NAV3: variants seen among roughly 807,000 people sequenced by gnomAD.
The protein encoded by NAV3 is pore membrane and/or filament interacting like protein 1.
NAV3 carries 87 observed loss-of-function variants against 244.7 expected under a neutral mutation model. The observed-to-expected ratio is 0.36, with a 90% CI of 0.30 to 0.42. The LOEUF is 0.42. NAV3 is among the 20% of genes least tolerant of loss of function. The probability of loss-of-function intolerance (pLI) is 1.00; values close to 1 mark genes in which losing one functional copy is unlikely to be tolerated. For missense variants in NAV3, 2,663 were observed against 2,893.3 expected, an observed-to-expected ratio of 0.92 and a Z score of 1.83; for synonymous variants, 1,126 against 1,042.2, an observed-to-expected ratio of 1.08 and a Z score of -1.55.
At chr12:77,827,093 C>T (rs543060798), upstream of NAV3, among the ~76,000 whole-genome samples, 60 of 151,924 alleles carry the variant, frequency 3.9e-4, 1 homozygote, top group Admixed American at 1.0e-3. Context: ...ATTAGCCAGG[C>T]GTAGTGGCAG....
At chr12:78,092,850 T>G (rs1285886471) in intron 12 of NAV3, among the ~76,000 whole-genome samples, 7 of 152,182 alleles carry the variant, frequency 4.6e-5, no homozygotes, top group Non-Finnish European at 1.5e-5. Context: ...GGGTCTTCAG[T>G]CAAATTTTAA....
intron 38 of NAV3, among the ~76,000 whole-genome samples, chr12:78,203,111 T>C (rs1959904434): frequency 6.6e-6 from 1 of 152,146 alleles, no homozygotes; most frequent in African/African-American, 2.4e-5. Context: ...GATTCTTTCT[T>C]AACTAGTCAG....
At chr12:77,695,995 A>C (rs976664068) in intron 2 of NAV3, among the ~76,000 whole-genome samples, 3 of 152,130 alleles carry the variant, frequency 2.0e-5, no homozygotes, top group Non-Finnish European at 4.4e-5. Context: ...TTTTGTGTCC[A>C]TCCTTATCTT....
intron 5 of NAV3, among the ~76,000 whole-genome samples, chr12:77,969,400 G>C (rs1892805478): frequency 6.6e-6 from 1 of 152,032 alleles, no homozygotes; most frequent in Non-Finnish European, 1.5e-5. Context: ...GTGAAGAATT[G>C]GTTTAGCATG....
At chr12:77,728,398 C>G (rs1343521425) in intron 2 of NAV3, among the ~76,000 whole-genome samples, 1 of 150,568 alleles carries the variant, frequency 6.6e-6, no homozygotes, top group Non-Finnish European at 1.5e-5. Context: ...AAACTAGAGA[C>G]AGAAAGAATA....
chr12:78,060,205 CA>C (rs1374128915), intron 12 of NAV3, among the ~76,000 whole-genome samples: 5 of 152,106 alleles, frequency 3.3e-5, no homozygotes, highest in African/African-American at 1.2e-4. Flanking sequence ...TTGTTTAATT[CA>C]GCATTTATGA....
At chr12:77,629,484 G>A (rs1011038142) in intron 2 of NAV3, among the ~76,000 whole-genome samples, 4 of 152,152 alleles carry the variant, frequency 2.6e-5, no homozygotes, top group African/African-American at 9.7e-5. Flanking sequence ...TCTGCATTGT[G>A]ATTGGAGCTT....
At chr12:77,725,678 A>G (rs1254542439) in intron 2 of NAV3, among the ~76,000 whole-genome samples, 2 of 152,098 alleles carry the variant, frequency 1.3e-5, no homozygotes, top group African/African-American at 4.8e-5. Flanking sequence ...AAACTATTGT[A>G]TTAGTTTCCT....
intron 3 of NAV3, among the ~76,000 whole-genome samples, chr12:77,951,897 A>G (rs1473269312): frequency 1.3e-5 from 2 of 152,030 alleles, no homozygotes; most frequent in South Asian, 2.1e-4. Context: ...GAAGGAGAAC[A>G]TCACACACCA....
Position 77,720,195 on chromosome 12 carries a change from G to A in NAV3, c.72+147929G>A, listed in dbSNP as rs74106521. Among the ~76,000 whole-genome samples, 214 of 151,438 alleles carry A rather than the reference G, an allele frequency of 1.4e-3. 1 individual carries two copies. Among genetic ancestry groups the A allele is most frequent in the African/African-American group, 4.7e-3 (196 of 41,292 alleles). Reference sequence around the variant, plus strand: ...TCTCTCTCTCTTTAACCTGGCTAATGGTTTATCAATTTTTTTTCTTTGGTT... The same window carrying A: ...TCTCTCTCTCTTTAACCTGGCTAATAGTTTATCAATTTTTTTTCTTTGGTT... On this transcript the variant is annotated intron_variant, in intron 2 of 8. Transcript: ENST00000550042.
chr12:77,939,036 G>A (rs577288438), intron 1 of NAV3, among the ~76,000 whole-genome samples: 1 of 151,336 alleles, frequency 6.6e-6, no homozygotes, highest in Non-Finnish European at 1.5e-5. Flanking sequence ...ATTCAAAAAT[G>A]GACAGGGTTG....
intron 2 of NAV3, among the ~76,000 whole-genome samples, chr12:77,755,204 CAA>C (rs1869072907): frequency 6.6e-6 from 1 of 152,070 alleles, no homozygotes; most frequent in Non-Finnish European, 1.5e-5. Flanking sequence ...TTAATCTCAA[CAA>C]AGACTATTTC....
intron 9 of NAV3, among the ~76,000 whole-genome samples, chr12:78,035,521 GA>G (rs1303338426): frequency 6.6e-6 from 1 of 152,064 alleles, no homozygotes; most frequent in Non-Finnish European, 1.5e-5. Flanking sequence ...CTGTTTTTAT[GA>G]AAACATTAAG....
intron 2 of NAV3, among the ~76,000 whole-genome samples, chr12:77,752,483 A>G (rs1477002136): frequency 6.6e-6 from 1 of 152,090 alleles, no homozygotes; most frequent in Non-Finnish European, 1.5e-5. Context: ...ATGAAGACAC[A>G]TCAAAATCAC....
intron 2 of NAV3, among the ~76,000 whole-genome samples, chr12:77,604,137 G>A (rs192007671): frequency 1.3e-4 from 20 of 152,160 alleles, no homozygotes; most frequent in Non-Finnish European, 2.6e-4. Context: ...GGATAAATAT[G>A]ATGAGGGCAG....
In NAV3 at chr12:77,625,182, A is replaced by C. The variant is rs202181723; in HGVS notation, c.72+52916A>C. The stretch of plus-strand genomic sequence containing the variant: ...TCAATAAAACTAATATATATGTATA[A>C]AATAAATGAGGTTCAGTATCTCTAC... On this transcript the variant is annotated intron_variant, in intron 2 of 8. Transcript: ENST00000550042. Among the ~76,000 whole-genome samples, 9 of 152,196 alleles carry C rather than the reference A, an allele frequency of 5.9e-5. No homozygotes were observed. The East Asian group carries it at 1.7e-3, about 29-fold the overall frequency.
At chr12:77,863,414 TCTTTATAGTCACTATTTGATGGACAA>T (rs895018356) in intron 1 of NAV3, among the ~76,000 whole-genome samples, 6 of 151,888 alleles carry the variant, frequency 4.0e-5, no homozygotes, top group Non-Finnish European at 1.5e-5. Flanking sequence ...AGTATTTCCA[TCTTTATAGTCACTATTTGATGGACAA>T]ATTTTTGAAG....
intron 1 of NAV3, 123 bp downstream of exon 1, chr12:77,831,827 G>T: frequency 9.2e-7 from 1 of 1,088,768 alleles, no homozygotes; most frequent in African/African-American, 1.6e-5. Context: ...GATGTAAGTA[G>T]TTATAATGGC....
At chr12:77,979,748 G>A (rs1380335965) in intron 5 of NAV3, among the ~76,000 whole-genome samples, 1 of 150,282 alleles carries the variant, frequency 6.7e-6, no homozygotes, top group African/African-American at 2.5e-5. Flanking sequence ...CTGCTGTGTG[G>A]CAGGCTCTAG....
Sources: gnomAD v4.1 joint callset for allele counts (sites outside exome capture counted in the v4.1 genomes callset) on GRCh38, gnomAD v4.1.1 for gene constraint, MANE v1.5 for transcripts, NCBI Gene and HGNC (gene_info 2026-07-23, HGNC 2026-07-21) for gene names.